The following NAALADL2 variants were observed in gnomAD, a reference collection of about 807,000 sequenced individuals.
The protein encoded by NAALADL2 is inactive N-acetylated-alpha-linked acidic dipeptidase-like protein 2.
In NAALADL2, 76 loss-of-function variants were observed where a neutral mutation model predicts 87.2. The observed-to-expected ratio is 0.87, with a 90% CI of 0.72 to 1.05. NAALADL2 has a LOEUF of 1.05. Among genes scored for constraint, NAALADL2 ranks in the 50% least tolerant of loss-of-function variants. The pLI is 0.00. For synonymous variants in NAALADL2, 354 were observed against 331.0 expected, an observed-to-expected ratio of 1.07 and a Z score of -0.75; for missense variants, 1,089 against 945.8, an observed-to-expected ratio of 1.15 and a Z score of -1.99.
At chr3:175,117,138 A>C (rs1725371546) in intron 2 of NAALADL2, among the ~76,000 whole-genome samples, 3 of 152,180 alleles carry the variant, frequency 2.0e-5, no homozygotes, top group Admixed American at 2.0e-4. Flanking sequence ...CTTAAATATT[A>C]GACCTAAAAC....
At chr3:174,856,252 T>C (rs1725857676), upstream of NAALADL2, among the ~76,000 whole-genome samples, 1 of 152,070 alleles carries the variant, frequency 6.6e-6, no homozygotes, top group Non-Finnish European at 1.5e-5. Flanking sequence ...GCGATCCTTC[T>C]GCCTCAGCCT....
chr3:175,406,348 C>T (rs1490721788), intron 5 of NAALADL2, among the ~76,000 whole-genome samples: 1 of 152,196 alleles, frequency 6.6e-6, no homozygotes, highest in Non-Finnish European at 1.5e-5. Context: ...TATTTGAGTA[C>T]TGTCACTCCT....
At chr3:174,720,345 A>G in intron 2 of NAALADL2, among the ~76,000 whole-genome samples, 1 of 152,252 alleles carries the variant, frequency 6.6e-6, no homozygotes, top group East Asian at 1.9e-4. Flanking sequence ...CCATTAATTA[A>G]ATATTTCTTA....
intron 5 of NAALADL2, among the ~76,000 whole-genome samples, chr3:175,390,456 T>G (rs2149017732): frequency 6.6e-6 from 1 of 152,314 alleles, no homozygotes; most frequent in Non-Finnish European, 1.5e-5. Flanking sequence ...AACTACCGTG[T>G]ACATAATTCA....
chr3:175,209,606 T>A (rs2109249383), intron 2 of NAALADL2, among the ~76,000 whole-genome samples: 1 of 152,094 alleles, frequency 6.6e-6, no homozygotes, highest in Admixed American at 6.6e-5. Context: ...TTACATCACA[T>A]GATCAACAAA....
intron 1 of NAALADL2, chr3:174,540,770 C>T (rs964183975): frequency 2.0e-5 from 3 of 152,196 alleles, no homozygotes; most frequent in African/African-American, 4.8e-5. Context: ...AGTTGATTTG[C>T]ATTAGGACAA....
chr3:175,443,921 CT>C (rs1720244150), intron 5 of NAALADL2, among the ~76,000 whole-genome samples: 1 of 152,132 alleles, frequency 6.6e-6, no homozygotes, highest in Non-Finnish European at 1.5e-5. Context: ...TAGAAGATGA[CT>C]TGTAAGTTGG....
At chr3:175,777,756 G>A (rs922044948) in intron 13 of NAALADL2, among the ~76,000 whole-genome samples, 1 of 152,120 alleles carries the variant, frequency 6.6e-6, no homozygotes, top group Non-Finnish European at 1.5e-5. Flanking sequence ...AATTAGTACT[G>A]TAGTTTATCC....
At chr3:175,149,665 A>G (rs2108774595) in intron 2 of NAALADL2, among the ~76,000 whole-genome samples, 1 of 152,280 alleles carries the variant, frequency 6.6e-6, no homozygotes. Flanking sequence ...TACTTTTAGT[A>G]GTGATATTAA....
chr3:175,737,188 A>T, intron 11 of NAALADL2, 118 bp from the exon 12 acceptor site: 1 of 626,938 alleles, frequency 1.6e-6, no homozygotes, highest in East Asian at 2.9e-5. Flanking sequence ...AAACTATATT[A>T]TTCCTGTGTG....
chr3:175,122,175 A>G (rs562087515), intron 2 of NAALADL2, among the ~76,000 whole-genome samples: 11 of 151,928 alleles, frequency 7.2e-5, no homozygotes, highest in African/African-American at 2.2e-4. Flanking sequence ...ATGCTGATAT[A>G]AACTTTTGTT....
At chr3:175,325,806 A>G (rs1009058553) in intron 5 of NAALADL2, among the ~76,000 whole-genome samples, 4 of 152,320 alleles carry the variant, frequency 2.6e-5, no homozygotes, top group African/African-American at 9.6e-5. Flanking sequence ...ACTTCCTAAA[A>G]TAGTTGCAAG....
intron 3 of NAALADL2, among the ~76,000 whole-genome samples, chr3:174,822,661 A>C (rs999256001): frequency 6.6e-6 from 1 of 152,134 alleles, no homozygotes; most frequent in Non-Finnish European, 1.5e-5. Flanking sequence ...TAGATATATC[A>C]CCTATGCTAT....
At chr3:174,665,639 C>T (rs184111283) in intron 2 of NAALADL2, among the ~76,000 whole-genome samples, 2 of 152,258 alleles carry the variant, frequency 1.3e-5, no homozygotes, top group Admixed American at 1.3e-4. Context: ...GATGTTCCTT[C>T]ATGAAAATCT....
At chr3:175,233,643 G>A (rs933221038) in intron 2 of NAALADL2, among the ~76,000 whole-genome samples, 12 of 152,008 alleles carry the variant, frequency 7.9e-5, no homozygotes, top group Non-Finnish European at 1.5e-5. Flanking sequence ...AGAGGTTGTC[G>A]CTATGTTGCC....
intron 3 of NAALADL2, among the ~76,000 whole-genome samples, chr3:174,839,125 G>A (rs1723713330): frequency 6.6e-6 from 1 of 152,094 alleles, no homozygotes; most frequent in African/African-American, 2.4e-5. Context: ...AAAACAGAAT[G>A]GTACTGTTAT....
chr3:174,787,604 T>TATATAC (rs1560225762), intron 3 of NAALADL2, among the ~76,000 whole-genome samples: 2 of 87,934 alleles, frequency 2.3e-5, no homozygotes, highest in Admixed American at 1.2e-4. Flanking sequence ...TATATATATA[T>TATATAC]ATATATATAT....
At chr3:175,664,958 T>C (rs1373935543) in intron 11 of NAALADL2, among the ~76,000 whole-genome samples, 1 of 152,206 alleles carries the variant, frequency 6.6e-6, no homozygotes, top group Non-Finnish European at 1.5e-5. Flanking sequence ...ATTTTGATGG[T>C]CCCTTAACTT....
At chr3:175,718,221 TTTGA>T in intron 11 of NAALADL2, 1 of 1,045,614 alleles carries the variant, frequency 9.6e-7, no homozygotes, top group Non-Finnish European at 1.4e-6. Context: ...TTTTTTTTTT[TTTGA>T]TTAGTTGCTG....
Sources: gnomAD v4.1 joint callset for allele counts (sites outside exome capture counted in the v4.1 genomes callset) on GRCh38, gnomAD v4.1.1 for gene constraint, MANE v1.5 for transcripts, NCBI Gene and HGNC (gene_info 2026-07-23, HGNC 2026-07-21) for gene names.